The following CALCR variants were observed in gnomAD, a reference collection of about 807,000 sequenced individuals.
CALCR encodes calcitonin receptor.
In CALCR, 47 loss-of-function variants were observed where a neutral mutation model predicts 59.5. The ratio of observed to expected loss-of-function variants is 0.79; its 90% confidence interval spans 0.63 to 1.01. The LOEUF (loss-of-function observed/expected upper bound fraction) is 1.01. Ranked by LOEUF, CALCR falls within the 50% of genes least tolerant of loss-of-function variation. CALCR has a pLI of 0.00. For synonymous variants in CALCR, 213 were observed against 211.3 expected (o/e 1.01, Z -0.07); for missense variants, 566 against 597.1 (o/e 0.95, Z 0.54).
At chr7:93,569,621 T>C (rs926795167) in intron 2 of CALCR, among the ~76,000 whole-genome samples, 1 of 152,162 alleles carries the variant, frequency 6.6e-6, no homozygotes, top group African/African-American at 2.4e-5. Flanking sequence ...ATAATGTTTG[T>C]TGGTTTGTCT....
intron 3 of CALCR, chr7:93,482,890 A>G (rs763820651): frequency 3.8e-6 from 2 of 531,398 alleles, no homozygotes; most frequent in African/African-American, 3.9e-5. Context: ...GAGCAGTAAT[A>G]ATCTGCATCA....
At chr7:93,516,842 A>T (rs1371707338) in intron 2 of CALCR, among the ~76,000 whole-genome samples, 3 of 151,886 alleles carry the variant, frequency 2.0e-5, no homozygotes, top group Non-Finnish European at 4.4e-5. Flanking sequence ...ATAGAGGATG[A>T]TGTTGCATCA....
At chr7:93,536,214 G>A (rs1788979651) in intron 2 of CALCR, among the ~76,000 whole-genome samples, 1 of 151,684 alleles carries the variant, frequency 6.6e-6, no homozygotes, top group South Asian at 2.1e-4. Flanking sequence ...CCTGATAGCT[G>A]TTTTCTATGC....
intron 2 of CALCR, among the ~76,000 whole-genome samples, chr7:93,493,308 T>A (rs1253733877): frequency 6.6e-6 from 1 of 151,378 alleles, no homozygotes; most frequent in Non-Finnish European, 1.5e-5. Flanking sequence ...AATGTATTAT[T>A]TTCTCTGTCC....
intron 5 of CALCR, among the ~76,000 whole-genome samples, chr7:93,475,277 C>T (rs1800643578): frequency 6.6e-6 from 1 of 151,684 alleles, no homozygotes; most frequent in Non-Finnish European, 1.5e-5. Flanking sequence ...ATCATTACTG[C>T]TTCATGTAAA....
chr7:93,526,572 T>C (rs1227870500), intron 2 of CALCR, among the ~76,000 whole-genome samples: 1 of 152,110 alleles, frequency 6.6e-6, no homozygotes, highest in Non-Finnish European at 1.5e-5. Context: ...TATTTAAGTG[T>C]GGTCATAAAG....
chr7:93,434,289 G>C lies in CALCR; in HGVS notation c.1155C>G (p.Phe385Leu). 2 of 1,608,090 alleles carry C rather than the reference G, an allele frequency of 1.2e-6. No homozygotes were observed. The highest frequency in any genetic ancestry group is 1.7e-5 in the Admixed American group (1 of 59,772). Residue 385 changes from phenylalanine to leucine, a missense_variant, in exon 13 of 14, where the codon TTC becomes TTG. Physicochemically the swap from Phe to Leu is conservative, Grantham distance 22 (BLOSUM62 0). Coordinates refer to ENST00000426151, the MANE Select transcript of CALCR (RefSeq NM_001742.4). ...VMHSLIHFQGFFVATIYCFCN... is the reference protein window; with the variant it reads ...VMHSLIHFQGLFVATIYCFCN... The stretch of plus-strand genomic sequence containing the variant: ...AGAAGCAGTAGATGGTCGCAACAAA[G>C]AAGCCCTAAAAAGGGAAGGAAAAAT...
chr7:93,521,374 C>T (rs1432326375), intron 2 of CALCR, among the ~76,000 whole-genome samples: 2 of 152,034 alleles, frequency 1.3e-5, no homozygotes, highest in African/African-American at 4.8e-5. Flanking sequence ...CTGTCCAGAC[C>T]CTACTGGCAA....
chr7:93,497,567 T>C (rs1801235195), intron 2 of CALCR, among the ~76,000 whole-genome samples: 1 of 151,588 alleles, frequency 6.6e-6, no homozygotes, highest in Non-Finnish European at 1.5e-5. Flanking sequence ...GTGTTCTGAC[T>C]CCTAGTCCTG....
At chr7:93,453,655 CTT>C (rs1249312829) in intron 8 of CALCR, among the ~76,000 whole-genome samples, 3 of 151,932 alleles carry the variant, frequency 2.0e-5, no homozygotes, top group Non-Finnish European at 4.4e-5. Flanking sequence ...GAGATGAAGA[CTT>C]TCTGTGTAAA....
intron 2 of CALCR, among the ~76,000 whole-genome samples, chr7:93,562,903 C>T (rs1484940766): frequency 2.0e-5 from 3 of 151,888 alleles, no homozygotes; most frequent in African/African-American, 7.3e-5. Flanking sequence ...AAGCTTTGGA[C>T]TAAAGCATGT....
chr7:93,472,367 G>C lies in CALCR; in HGVS notation c.429+8C>G, dbSNP rs745978145. The stretch of plus-strand genomic sequence containing the variant: ...TCACTCAATACTGAAACGTGAAAAA[G>C]AACCTACCTTCAGTTTCTCAGGAGT... On this transcript the variant is annotated splice_region_variant and intron_variant, in intron 6 of 13. Coordinates refer to ENST00000426151, the MANE Select transcript of CALCR (RefSeq NM_001742.4). The C allele has an allele frequency of 4.0e-6, 6 of 1,506,942 alleles. No individual in the cohort carries two copies. In the African/African-American group the frequency reaches 6.9e-5, roughly 17 times the overall value. The allele number at this position is 1,506,942 out of a possible 1,614,324, so 93.3% of individuals were successfully genotyped here.
At chr7:93,517,212 C>T (rs1298400480) in intron 2 of CALCR, among the ~76,000 whole-genome samples, 1 of 150,366 alleles carries the variant, frequency 6.7e-6, no homozygotes, top group Non-Finnish European at 1.5e-5. Context: ...GGCACAAAGC[C>T]CAAACTTTGA....
intron 8 of CALCR, among the ~76,000 whole-genome samples, chr7:93,451,305 C>G (rs1483237638): frequency 6.6e-6 from 1 of 151,918 alleles, no homozygotes; most frequent in Admixed American, 6.6e-5. Context: ...AGATGCAAGG[C>G]TTATTTATCA....
intron 2 of CALCR, among the ~76,000 whole-genome samples, chr7:93,494,981 T>TG (rs1329009061): frequency 6.6e-6 from 1 of 151,300 alleles, no homozygotes; most frequent in East Asian, 2.0e-4. Context: ...ATGGATAGAT[T>TG]GGGGGTGGAA....
chr7:93,539,858 C>G (rs1789085520), intron 2 of CALCR, among the ~76,000 whole-genome samples: 1 of 152,174 alleles, frequency 6.6e-6, no homozygotes, highest in Non-Finnish European at 1.5e-5. Context: ...ATGACCTGAA[C>G]TGGAGAACCC....
At chr7:93,434,230 T>A (rs778144265) in intron 13 of CALCR, 23 bp downstream of exon 13, 1 of 1,563,734 alleles carries the variant, frequency 6.4e-7, no homozygotes, top group Non-Finnish European at 8.8e-7. Flanking sequence ...CAAGTGATAG[T>A]ATTATATGAA....
intron 8 of CALCR, among the ~76,000 whole-genome samples, chr7:93,447,385 C>T (rs1800026033): frequency 6.6e-6 from 1 of 151,956 alleles, no homozygotes; most frequent in Admixed American, 6.6e-5. Context: ...TCTTGTGTGG[C>T]AATATGTTCA....
intron 8 of CALCR, among the ~76,000 whole-genome samples, chr7:93,453,786 T>C (rs868606774): frequency 6.6e-6 from 1 of 152,046 alleles, no homozygotes; most frequent in Middle Eastern, 3.4e-3. Flanking sequence ...TAGGAAGAGA[T>C]TCTCCTTCAA....
Sources: gnomAD v4.1 joint callset for allele counts (sites outside exome capture counted in the v4.1 genomes callset) on GRCh38, gnomAD v4.1.1 for gene constraint, MANE v1.5 for transcripts, NCBI Gene and HGNC (gene_info 2026-07-23, HGNC 2026-07-21) for gene names.